NPHP1: variants seen among roughly 807,000 people sequenced by gnomAD.
NPHP1 encodes the protein nephrocystin-1.
NPHP1 carries 70 observed loss-of-function variants against 90.4 expected under a neutral mutation model. The observed-to-expected ratio is 0.77, with a 90% CI of 0.64 to 0.95. The LOEUF (loss-of-function observed/expected upper bound fraction) is 0.95, where lower values mean the gene tolerates loss of function less well. Ranked by LOEUF, NPHP1 falls within the 40% of genes least tolerant of loss-of-function variation. The probability of loss-of-function intolerance (pLI) is 0.00; values close to 1 mark genes in which losing one functional copy is unlikely to be tolerated. For synonymous variants in NPHP1, 256 were observed against 271.7 expected, an observed-to-expected ratio of 0.94 and a Z score of 0.57; for missense variants, 764 against 795.9, an observed-to-expected ratio of 0.96 and a Z score of 0.48.
Position 110,124,075 on chromosome 2 carries a change from C to A in NPHP1, c.1762-12G>T. ...AACTCTTTGTCTCTCTGGGAAAACA[C>A]CACCCCCACAAATAACATTGTTATT... On this transcript the variant is annotated splice_polypyrimidine_tract_variant and intron_variant, in intron 19 of 19. Transcript: ENST00000445609. The A allele has an allele frequency of 6.2e-7, 1 of 1,613,642 alleles. No individual in the cohort carries two copies. The highest frequency in any genetic ancestry group is 1.1e-5 in the South Asian group (1 of 91,066).
intron 16 of NPHP1, among the ~76,000 whole-genome samples, chr2:110,135,878 A>G (rs982528459): frequency 7.2e-5 from 11 of 152,170 alleles, no homozygotes; most frequent in African/African-American, 2.7e-4. Context: ...GCCTGTTGGA[A>G]GAGAACAGGA....
In NPHP1 at chr2:110,179,149, GA is replaced by G. The variant is rs5833368; in HGVS notation, c.204+474del. 2.8e-3 allele frequency among the ~76,000 whole-genome samples: 385 copies of G among 139,740 alleles called. 4 individuals are homozygous for G. In the East Asian group the frequency reaches 0.033, roughly 12 times the overall value. 91.7% of individuals were successfully genotyped at this position (139,740 alleles called of 152,430 possible). ...ATCTAGCTGTAGCCAAGGCTCATGT[GA>G]AAAAAAAAAAAAAATCCTGAAGGGA... On this transcript the variant is annotated intron_variant, in intron 3 of 19. Transcript: ENST00000445609.
chr2:110,172,486 G>A (rs1683203926), intron 4 of NPHP1, among the ~76,000 whole-genome samples: 1 of 151,826 alleles, frequency 6.6e-6, no homozygotes, highest in South Asian at 2.1e-4. Flanking sequence ...TACATTTAAA[G>A]ATATAAATTT....
chr2:110,125,183 A>T (rs1413506314), intron 19 of NPHP1: 10 of 1,530,494 alleles, frequency 6.5e-6, no homozygotes, highest in Middle Eastern at 1.7e-4. Flanking sequence ...TCAAACCACG[A>T]CTCACCGATT....
In NPHP1 at chr2:110,179,836, A is replaced by G. The variant is rs138125281; in HGVS notation, c.144-152T>C. The G allele has an allele frequency of 1.1e-4, 55 of 510,272 alleles. No homozygotes were observed. The East Asian group carries it at 1.7e-3, about 16-fold the overall frequency. 31.6% of individuals were successfully genotyped at this position (510,272 alleles called of 1,614,324 possible). ...CTGACATATAAATGCTTTTCCACCT[A>G]TTAGCTCAGATGATCCTCATAGCCA... is the stretch of plus-strand genomic sequence containing the variant. On this transcript the variant is annotated intron_variant, in intron 2 of 19. Coordinates refer to ENST00000445609, the MANE Select transcript of NPHP1 (RefSeq NM_001128178.3).
Position 110,123,732 on chromosome 2 carries a change from C to T in NPHP1, c.*59G>A, listed in dbSNP as rs531474586. The T allele has an allele frequency of 1.7e-5, 27 of 1,571,890 alleles. No individual in the cohort carries two copies. Among genetic ancestry groups the T allele is most frequent in the South Asian group, 1.0e-4 (9 of 89,972 alleles). On this transcript the variant is annotated 3_prime_UTR_variant, in exon 20 of 20. Transcript: ENST00000445609. ...ATTTTTGGTTCCATCATTTTATTCA[C>T]GTAATCGTGGAGGATCCATCTGATT... is the stretch of plus-strand genomic sequence containing the variant.
At chr2:110,168,024 A>G (rs1682837253) in intron 6 of NPHP1, among the ~76,000 whole-genome samples, 1 of 152,204 alleles carries the variant, frequency 6.6e-6, no homozygotes, top group African/African-American at 2.4e-5. Context: ...AAATCTATAT[A>G]TCTTGGCACA....
intron 4 of NPHP1, among the ~76,000 whole-genome samples, chr2:110,175,035 T>C (rs1683412477): frequency 6.6e-6 from 1 of 152,072 alleles, no homozygotes; most frequent in Non-Finnish European, 1.5e-5. Context: ...CTTTAAACAG[T>C]AACACAAGGT....
chr2:110,155,923 G>A (rs902521078), intron 11 of NPHP1, among the ~76,000 whole-genome samples: 2 of 152,044 alleles, frequency 1.3e-5, no homozygotes, highest in African/African-American at 4.8e-5. Context: ...GGAAATGTGA[G>A]GACATGAGAT....
intron 1 of NPHP1, among the ~76,000 whole-genome samples, chr2:110,202,827 A>T (rs1685660659): frequency 1.3e-5 from 2 of 152,206 alleles, no homozygotes. Context: ...GTTGGTGGGC[A>T]TGAAAATTAG....
rs1448732187 is a variant in NPHP1 at position 110,179,695 on chromosome 2, A to G, written c.144-11T>C. Reference sequence around the variant, plus strand: ...TTTAACTGGATACATCTAAATTAAGAAAAAAAAGAAAATATATTGATTTTT... The same window carrying G: ...TTTAACTGGATACATCTAAATTAAGGAAAAAAAGAAAATATATTGATTTTT... On this transcript the variant is annotated splice_polypyrimidine_tract_variant and intron_variant, in intron 2 of 19. Coordinates refer to ENST00000445609, the MANE Select transcript of NPHP1 (RefSeq NM_001128178.3). 4.5e-6 allele frequency: 5 copies of G among 1,115,090 alleles called. No homozygotes were observed. Among genetic ancestry groups the G allele is most frequent in the Non-Finnish European group, 6.7e-6 (5 of 745,234 alleles). The allele number at this position is 1,115,090 out of a possible 1,614,324, so 69.1% of individuals were successfully genotyped here.
chr2:110,182,930 A>T (rs1454006884), intron 2 of NPHP1, among the ~76,000 whole-genome samples: 2 of 152,142 alleles, frequency 1.3e-5, no homozygotes, highest in Admixed American at 6.5e-5. Context: ...CATAGGTTCA[A>T]AATAAAGGGA....
chr2:110,199,306 A>G lies in NPHP1; in HGVS notation c.143+2115T>C, dbSNP rs549994948. Reference sequence around the variant, plus strand: ...AAAATTAGCCGAGTGTGATGGCGTGAGCCTGTAATCCCAGCTACTCAGAAG... The same window carrying G: ...AAAATTAGCCGAGTGTGATGGCGTGGGCCTGTAATCCCAGCTACTCAGAAG... On this transcript the variant is annotated intron_variant, in intron 2 of 19. Coordinates refer to ENST00000445609, the MANE Select transcript of NPHP1 (RefSeq NM_001128178.3). 2.6e-5 allele frequency among the ~76,000 whole-genome samples: 4 copies of G among 151,944 alleles called. No homozygotes were observed. The South Asian group carries it at 8.3e-4, about 32-fold the overall frequency.
intron 16 of NPHP1, among the ~76,000 whole-genome samples, chr2:110,142,262 A>T (rs1269300658): frequency 6.6e-6 from 1 of 152,142 alleles, no homozygotes; most frequent in Non-Finnish European, 1.5e-5. Flanking sequence ...ATGGTGGGTT[A>T]TAGCCCCAGA....
intron 16 of NPHP1, among the ~76,000 whole-genome samples, chr2:110,140,862 T>C (rs779747915): frequency 6.6e-6 from 1 of 152,178 alleles, no homozygotes; most frequent in African/African-American, 2.4e-5. Context: ...TATTGAAAGA[T>C]TGAACTGTTA....
chr2:110,147,835 G>T, intron 13 of NPHP1, 81 bp downstream of exon 13: 1 of 829,474 alleles, frequency 1.2e-6, no homozygotes, highest in Non-Finnish European at 2.1e-6. Flanking sequence ...AGACTTCAAG[G>T]ATTTCCTTGT....
chr2:110,141,024 C>T (rs1031193508), intron 16 of NPHP1, among the ~76,000 whole-genome samples: 1 of 152,152 alleles, frequency 6.6e-6, no homozygotes, highest in African/African-American at 2.4e-5. Context: ...GAGCAATGAG[C>T]AGGTCATGGT....
chr2:110,184,516 C>T lies in NPHP1; in HGVS notation c.144-4832G>A, dbSNP rs140257748. 5.9e-4 allele frequency: 698 copies of T among 1,179,496 alleles called. 2 individuals carry two copies. Among genetic ancestry groups the T allele is most frequent in the Non-Finnish European group, 7.8e-4 (628 of 808,714 alleles). 73.1% of individuals were successfully genotyped at this position (1,179,496 alleles called of 1,614,324 possible). A position where few individuals can be genotyped will look rare whatever the true frequency, so the allele number is the denominator to read the frequency against. On this transcript the variant is annotated intron_variant, in intron 2 of 19. Coordinates refer to ENST00000445609, the MANE Select transcript of NPHP1 (RefSeq NM_001128178.3). ...AGCCTTTATGCCACAGGCAGGACCA[C>T]GGGGGTGGTGCTGGATTCTGGGGAT...
In NPHP1 at chr2:110,161,503, T is replaced by C; in HGVS notation, c.954+100A>G. ...AAAATTATCATAAACAATTTTTTTG[T>C]TTTTTATAATTCATTAGTCAATTAA... On this transcript the variant is annotated intron_variant, in intron 10 of 19. Transcript: ENST00000445609. 1.9e-5 allele frequency: 15 copies of C among 801,428 alleles called. No individual in the cohort carries two copies. The South Asian group carries it at 2.5e-4, about 14-fold the overall frequency. 49.6% of individuals were successfully genotyped at this position (801,428 alleles called of 1,614,324 possible).
Sources: allele counts gnomAD v4.1 joint callset (sites outside exome capture counted in the v4.1 genomes callset), GRCh38; gene constraint gnomAD v4.1.1; transcripts MANE v1.5; gene names NCBI Gene and HGNC (gene_info 2026-07-23, HGNC 2026-07-21).